The following PTPN2 variants were observed in gnomAD, a reference collection of about 807,000 sequenced individuals.
PTPN2 encodes the protein protein tyrosine phosphatase non-receptor type 2, also known as tyrosine-protein phosphatase non-receptor type 2.
A neutral mutation model predicts 57.3 loss-of-function variants in PTPN2; 19 were observed. The ratio of observed to expected loss-of-function variants is 0.33; its 90% CI spans 0.23 to 0.49. PTPN2 has a LOEUF of 0.49. PTPN2 is among the 20% of genes least tolerant of loss of function. The pLI, the probability that PTPN2 is intolerant of heterozygous loss-of-function variation, is 0.99. For missense variants in PTPN2, 358 were observed against 501.1 expected, an observed-to-expected ratio of 0.71 and a Z score of 2.73; for synonymous variants, 153 against 164.9, an observed-to-expected ratio of 0.93 and a Z score of 0.55.
intron 2 of PTPN2, among the ~76,000 whole-genome samples, chr18:12,840,214 T>C (rs1032254569): frequency 1.3e-5 from 2 of 152,168 alleles, no homozygotes; most frequent in Admixed American, 6.5e-5. Context: ...AATCAGTACG[T>C]TTTCAAACAG....
chr18:12,806,817 A>AT (rs1367982940), intron 7 of PTPN2, among the ~76,000 whole-genome samples: 2 of 152,124 alleles, frequency 1.3e-5, no homozygotes, highest in Admixed American at 6.6e-5. Context: ...AGACTTAAAT[A>AT]TGAGACCCCA....
intron 1 of PTPN2, among the ~76,000 whole-genome samples, chr18:12,874,177 C>T (rs549573436): frequency 6.6e-6 from 1 of 151,670 alleles, no homozygotes; most frequent in African/African-American, 2.4e-5. Flanking sequence ...CCCCGCCAGG[C>T]GAGCCGCCCC....
intron 1 of PTPN2, among the ~76,000 whole-genome samples, chr18:12,866,734 C>T (rs1302464916): frequency 2.0e-5 from 3 of 151,856 alleles, no homozygotes; most frequent in African/African-American, 4.8e-5. Context: ...CTCGGCCGGG[C>T]GTGGTGGCTC....
intron 9 of PTPN2, chr18:12,785,924 A>G (rs2040834111): frequency 1.6e-6 from 2 of 1,231,502 alleles, no homozygotes; most frequent in African/African-American, 3.0e-5. Context: ...CACAAACATA[A>G]AAGGACTAAC....
At chr18:12,834,878 G>C (rs1397866537) in intron 3 of PTPN2, among the ~76,000 whole-genome samples, 2 of 152,118 alleles carry the variant, frequency 1.3e-5, no homozygotes, top group Non-Finnish European at 2.9e-5. Flanking sequence ...ATTTTTTAAT[G>C]TAATTAGTTG....
chr18:12,817,141 G>GT lies in PTPN2; in HGVS notation c.705+14dup, dbSNP rs1204215070. On this transcript the variant is annotated intron_variant, in intron 6 of 8. Transcript: ENST00000309660. ...AAATCAATGAGATTAAAATGAGATC[G>GT]TAAGAAGCACTTACCAAAACAAGAC... is the stretch of plus-strand genomic sequence containing the variant. 3.1e-6 allele frequency: 5 copies of GT among 1,601,098 alleles called. No individual in the cohort carries two copies. The African/African-American group carries it at 4.0e-5, about 13-fold the overall frequency.
chr18:12,868,230 T>C (rs1218294524), intron 1 of PTPN2, among the ~76,000 whole-genome samples: 1 of 152,098 alleles, frequency 6.6e-6, no homozygotes, highest in Non-Finnish European at 1.5e-5. Context: ...TTATTTGTCA[T>C]AGTTGTTGTT....
intron 7 of PTPN2, among the ~76,000 whole-genome samples, chr18:12,813,681 T>A (rs1281004984): frequency 6.6e-6 from 1 of 152,228 alleles, no homozygotes; most frequent in Non-Finnish European, 1.5e-5. Context: ...CTATTTTACA[T>A]TTTAACTTAG....
At position 12,814,926 on chromosome 18, in the gene PTPN2, A is replaced by C. The variant is rs572331176; in HGVS notation, c.706-571T>G. Among the ~76,000 whole-genome samples, 13 of 152,070 alleles carry C rather than the reference A, an allele frequency of 8.5e-5. No homozygotes were observed. In the South Asian group the frequency reaches 2.7e-3, roughly 32 times the overall value. ...TCGCGAAATGCCATCTCTACTAAAA[A>C]TACAAAAATTAGCTGGGTGTGGCGG... On this transcript the variant is annotated intron_variant, in intron 6 of 8. Coordinates refer to ENST00000309660, the MANE Select transcript of PTPN2 (RefSeq NM_002828.4).
At chr18:12,798,403 C>G (rs1340307555) in intron 8 of PTPN2, among the ~76,000 whole-genome samples, 1 of 152,002 alleles carries the variant, frequency 6.6e-6, no homozygotes, top group East Asian at 1.9e-4. Flanking sequence ...GATTGTCCCC[C>G]TCCTCCCACC....
chr18:12,841,321 C>T (rs1014660319), intron 2 of PTPN2, among the ~76,000 whole-genome samples: 8 of 152,194 alleles, frequency 5.3e-5, no homozygotes, highest in African/African-American at 7.2e-5. Flanking sequence ...GCACGTGGGC[C>T]GTGCTACAGG....
intron 2 of PTPN2, among the ~76,000 whole-genome samples, chr18:12,856,785 C>T (rs565017810): frequency 6.6e-6 from 1 of 152,208 alleles, no homozygotes; most frequent in East Asian, 1.9e-4. Context: ...ATCAGCTGGG[C>T]ATGGTGGCTC....
chr18:12,819,055 T>G, intron 5 of PTPN2: 1 of 350,268 alleles, frequency 2.9e-6, no homozygotes, highest in Non-Finnish European at 5.2e-6. Context: ...GATCGTGCCA[T>G]TGTACTCCAG....
At chr18:12,840,732 A>T in intron 2 of PTPN2, 1 of 1,598,498 alleles carries the variant, frequency 6.3e-7, no homozygotes. Flanking sequence ...TGCATTCTGC[A>T]TTCCATGTCT....
intron 2 of PTPN2, chr18:12,839,572 T>C (rs905769974): frequency 1.3e-5 from 2 of 152,300 alleles, no homozygotes; most frequent in East Asian, 1.9e-4. Context: ...AAAATGAAGA[T>C]AGTTCAAACT....
intron 7 of PTPN2, among the ~76,000 whole-genome samples, chr18:12,803,128 C>T (rs2041492137): frequency 6.6e-6 from 1 of 151,710 alleles, no homozygotes; most frequent in South Asian, 2.1e-4. Flanking sequence ...GGGTAAAAGC[C>T]AAAAATATTT....
chr18:12,831,771 T>C (rs557727967), intron 3 of PTPN2, among the ~76,000 whole-genome samples: 53 of 152,288 alleles, frequency 3.5e-4, no homozygotes, highest in Admixed American at 3.9e-4. Flanking sequence ...TGGAAGAGTA[T>C]TGGGCAGAGT....
intron 1 of PTPN2, chr18:12,861,961 G>A (rs2043821956): frequency 6.6e-6 from 1 of 151,916 alleles, no homozygotes; most frequent in East Asian, 1.9e-4. Flanking sequence ...AAGTTCTTGG[G>A]GTTAAGAAAT....
intron 1 of PTPN2, among the ~76,000 whole-genome samples, chr18:12,875,901 C>G (rs368557549): frequency 3.3e-5 from 5 of 152,252 alleles, no homozygotes; most frequent in African/African-American, 1.2e-4. Flanking sequence ...GAGTAACTAT[C>G]TGGAAAAAGT....
Sources: gnomAD v4.1 joint callset for allele counts (sites outside exome capture counted in the v4.1 genomes callset) on GRCh38, gnomAD v4.1.1 for gene constraint, MANE v1.5 for transcripts, NCBI Gene and HGNC (gene_info 2026-07-23, HGNC 2026-07-21) for gene names.